Variants in MACROD2 observed in about 807,000 individuals in gnomAD.
The protein encoded by MACROD2 is mono-ADP ribosylhydrolase 2.
MACROD2 carries 36 observed loss-of-function variants against 70.4 expected under a neutral mutation model. The observed-to-expected ratio is 0.51, with a 90% confidence interval of 0.39 to 0.68. The LOEUF (loss-of-function observed/expected upper bound fraction) is 0.68, where lower values mean the gene tolerates loss of function less well. MACROD2 is among the 30% of genes least tolerant of loss of function. MACROD2 has a pLI of 0.00. For synonymous variants in MACROD2, 172 were observed against 178.8 expected (o/e 0.96, Z 0.30); for missense variants, 496 against 538.4 (o/e 0.92, Z 0.78).
chr20:15,236,220 G>T (rs541215845), intron 6 of MACROD2, among the ~76,000 whole-genome samples: 3 of 152,064 alleles, frequency 2.0e-5, no homozygotes, highest in Admixed American at 6.6e-5. Context: ...TTCACGTTTC[G>T]TAAGATCTCC....
chr20:14,375,052 C>T (rs912218036), intron 3 of MACROD2, among the ~76,000 whole-genome samples: 36 of 152,018 alleles, frequency 2.4e-4, no homozygotes, highest in African/African-American at 6.0e-4. Context: ...TGTATATTCA[C>T]TTTTTTTGTC....
intron 5 of MACROD2, among the ~76,000 whole-genome samples, chr20:15,196,127 C>T (rs537294232): frequency 2.7e-4 from 41 of 152,004 alleles, no homozygotes; most frequent in African/African-American, 8.2e-4. Flanking sequence ...TAATGGATGC[C>T]GAGTTTAATA....
intron 5 of MACROD2, among the ~76,000 whole-genome samples, chr20:14,826,779 C>G (rs945547374): frequency 6.6e-6 from 1 of 152,160 alleles, no homozygotes; most frequent in South Asian, 2.1e-4. Flanking sequence ...AGTTGAAATG[C>G]GGATACACAA....
chr20:14,545,888 T>A (rs1260507618), intron 4 of MACROD2, among the ~76,000 whole-genome samples: 119 of 152,330 alleles, frequency 7.8e-4, no homozygotes, highest in Non-Finnish European at 2.6e-4. Flanking sequence ...GAGATATCTG[T>A]ATACATGTGC....
At chr20:15,803,915 C>T (rs977980362) in intron 8 of MACROD2, among the ~76,000 whole-genome samples, 2 of 152,208 alleles carry the variant, frequency 1.3e-5, no homozygotes, top group African/African-American at 2.4e-5. Flanking sequence ...TTCTAAAATG[C>T]TTCCCAATGT....
intron 2 of MACROD2, among the ~76,000 whole-genome samples, chr20:14,084,322 C>T (rs1184442073): frequency 1.3e-5 from 2 of 151,712 alleles, no homozygotes; most frequent in Non-Finnish European, 2.9e-5. Context: ...AGCAGTGTCT[C>T]CTCTCATTAA....
chr20:15,007,591 T>C lies in MACROD2; in HGVS notation c.419-222349T>C, dbSNP rs145890660. On this transcript the variant is annotated intron_variant, in intron 5 of 17. Transcript: ENST00000684519. ...AGAAACCACTTTAGGTATTTTAAGTTAAAGGGATTTAATATAGGCAATTAG... is the reference window on the plus strand; with the variant it reads ...AGAAACCACTTTAGGTATTTTAAGTCAAAGGGATTTAATATAGGCAATTAG... Among the ~76,000 whole-genome samples, 63 of 152,284 alleles carry C rather than the reference T, an allele frequency of 4.1e-4. 2 individuals carry two copies. Among genetic ancestry groups the C allele is most frequent in the Middle Eastern group, 3.4e-3 (1 of 294 alleles).
intron 5 of MACROD2, among the ~76,000 whole-genome samples, chr20:14,999,608 C>A (rs1378363237): frequency 6.6e-6 from 1 of 152,126 alleles, no homozygotes; most frequent in Non-Finnish European, 1.5e-5. Flanking sequence ...GCTCCCCAAC[C>A]TGGGTGGCAG....
At chr20:15,909,514 ATTTTTTTTTT>A (rs10617621) in intron 10 of MACROD2, among the ~76,000 whole-genome samples, 30 of 70,870 alleles carry the variant, frequency 4.2e-4, no homozygotes, top group Non-Finnish European at 6.4e-4. Context: ...ACATAATACA[ATTTTTTTTTT>A]TTTTTTTTTT....
At chr20:15,542,415 CT>C (rs1568880349) in intron 8 of MACROD2, among the ~76,000 whole-genome samples, 1 of 152,164 alleles carries the variant, frequency 6.6e-6, no homozygotes, top group East Asian at 1.9e-4. Flanking sequence ...TTCCTGTGTA[CT>C]TCATGAATCT....
At chr20:14,403,359 G>A (rs1366509136) in intron 3 of MACROD2, among the ~76,000 whole-genome samples, 1 of 152,134 alleles carries the variant, frequency 6.6e-6, no homozygotes, top group East Asian at 1.9e-4. Context: ...CAGATGTAAG[G>A]CATTTTACAC....
At chr20:15,474,759 T>A (rs116261868) in intron 7 of MACROD2, among the ~76,000 whole-genome samples, 3,378 of 152,126 alleles carry the variant, frequency 0.022, 119 homozygotes, top group African/African-American at 0.077. Context: ...GGGGTCAGAG[T>A]GGGGAGGTTG....
intron 8 of MACROD2, among the ~76,000 whole-genome samples, chr20:15,777,662 C>CTTTT (rs1788426520): frequency 7.6e-6 from 1 of 132,348 alleles, no homozygotes; most frequent in African/African-American, 2.8e-5. Flanking sequence ...CTCTTTCTTT[C>CTTTT]GAGACAGAGT....
Position 14,724,914 on chromosome 20 carries a change from A to T in MACROD2, c.418+39955A>T, listed in dbSNP as rs562470896. 5.3e-5 allele frequency among the ~76,000 whole-genome samples: 8 copies of T among 152,194 alleles called. No homozygotes were observed. In the South Asian group the frequency reaches 1.7e-3, roughly 32 times the overall value. On this transcript the variant is annotated intron_variant, in intron 5 of 17. Coordinates refer to ENST00000684519, the MANE Select transcript of MACROD2 (RefSeq NM_001351661.2). ...ATATTACTTGGGATATTGTGTGGAG[A>T]ATGGAATGTACAAAGAAGGCATGTT...
chr20:15,581,223 T>C (rs1413538413), intron 8 of MACROD2, among the ~76,000 whole-genome samples: 1 of 152,220 alleles, frequency 6.6e-6, no homozygotes, highest in East Asian at 1.9e-4. Context: ...GATACTGGTT[T>C]CTAAGACCTG....
intron 2 of MACROD2, among the ~76,000 whole-genome samples, chr20:14,022,402 A>G (rs186447707): frequency 6.6e-6 from 1 of 152,168 alleles, no homozygotes; most frequent in Non-Finnish European, 1.5e-5. Flanking sequence ...AAATTGATTA[A>G]ATTATTCCTA....
At chr20:15,113,575 C>G (rs1344362055) in intron 5 of MACROD2, among the ~76,000 whole-genome samples, 1 of 152,116 alleles carries the variant, frequency 6.6e-6, no homozygotes, top group Non-Finnish European at 1.5e-5. Flanking sequence ...ACCAGGCACA[C>G]CACAGCATGT....
At chr20:15,881,821 A>G (rs1461432269) in intron 9 of MACROD2, among the ~76,000 whole-genome samples, 3 of 152,150 alleles carry the variant, frequency 2.0e-5, no homozygotes, top group African/African-American at 7.2e-5. Flanking sequence ...GGCTTGGGCT[A>G]TACCCAGAAA....
chr20:14,410,390 C>T (rs2083737202), intron 3 of MACROD2, among the ~76,000 whole-genome samples: 1 of 152,074 alleles, frequency 6.6e-6, no homozygotes. Context: ...CTTCCACCCT[C>T]CCACTTCTAG....
Sources: gnomAD v4.1 joint callset for allele counts (sites outside exome capture counted in the v4.1 genomes callset) on GRCh38, gnomAD v4.1.1 for gene constraint, MANE v1.5 for transcripts, NCBI Gene and HGNC (gene_info 2026-07-23, HGNC 2026-07-21) for gene names.